Variants in RELN observed in about 807,000 individuals in gnomAD.
RELN encodes the protein reelin.
In RELN, 108 loss-of-function variants were observed where a neutral mutation model predicts 427.6. That is an observed-to-expected ratio of 0.25 (90% CI 0.22 to 0.30). The LOEUF (loss-of-function observed/expected upper bound fraction) is 0.30, where lower values mean the gene tolerates loss of function less well. RELN is among the 10% of genes least tolerant of loss of function. The pLI, the probability that RELN is intolerant of heterozygous loss-of-function variation, is 1.00. For missense variants in RELN, 3,715 were observed against 4,302.8 expected (o/e 0.86, Z 3.82); for synonymous variants, 1,524 against 1,513.4 (o/e 1.01, Z -0.16).
intron 44 of RELN, 96 bp from the exon 45 acceptor site, chr7:103,539,423 T>G: frequency 7.7e-7 from 1 of 1,297,054 alleles, no homozygotes. Context: ...TGTTTTGATC[T>G]GTTGGCCTGC....
intron 8 of RELN, among the ~76,000 whole-genome samples, chr7:103,702,117 C>T (rs942596016): frequency 2.0e-5 from 3 of 152,210 alleles, no homozygotes; most frequent in African/African-American, 7.2e-5. Flanking sequence ...CAAAGGAAAG[C>T]TACTGAGCAA....
At chr7:103,889,338 T>C (rs1216011684) in intron 2 of RELN, among the ~76,000 whole-genome samples, 3 of 152,170 alleles carry the variant, frequency 2.0e-5, no homozygotes, top group Non-Finnish European at 2.9e-5. Flanking sequence ...ATTCTACCCA[T>C]TAAGAGCACT....
Position 103,840,859 on chromosome 7 carries a change from T to C in RELN, c.338-7187A>G, listed in dbSNP as rs1793535312. ...TAGGATCCATATTGAATTTTTAATA[T>C]TATTTGGAAAAGGGAAAACAGGATC... On this transcript the variant is annotated intron_variant, in intron 2 of 64. Transcript: ENST00000428762. Among the ~76,000 whole-genome samples, 3 of 152,218 alleles carry C rather than the reference T, an allele frequency of 2.0e-5. No homozygotes were observed. The South Asian group carries it at 6.2e-4, about 32-fold the overall frequency.
rs1794780568 is a variant in RELN, at chr7:103,888,786, A to T, written c.337+28289T>A. ...ACTTGGCAAGCACAACATGAGCCAG[A>T]TTTCAGCCCCACTTGTCAGGAGGCT... On this transcript the variant is annotated intron_variant, in intron 2 of 64. Transcript: ENST00000428762. Among the ~76,000 whole-genome samples, 4 of 152,306 alleles carry T rather than the reference A, an allele frequency of 2.6e-5. No homozygotes were observed. The South Asian group carries it at 8.3e-4, about 32-fold the overall frequency.
At position 103,989,143 on chromosome 7, in the gene RELN, G is replaced by C. The variant is rs775097828; in HGVS notation, c.214C>G (p.Gln72Glu). Residue 72 changes from glutamine to glutamate, a missense_variant, in exon 1 of 65, where the codon CAA becomes GAA. By Grantham distance (29) the Gln-to-Glu change is conservative. Around this residue, in one of 4 missense-constraint regions of RELN, gnomAD observed 2,208 missense variants for 2,361.7 expected, o/e 0.93. Coordinates refer to ENST00000428762, the MANE Select transcript of RELN (RefSeq NM_005045.4). The surrounding 1 kb of genome is among the most constrained non-coding windows in gnomAD (Gnocchi z 4.9). ...CTGCGGTACCTACCATGGTATTCTTGTCCCGGAACGTAGTAGGTGGGGTTG... is the reference window on the plus strand; with the variant it reads ...CTGCGGTACCTACCATGGTATTCTTCTCCCGGAACGTAGTAGGTGGGGTTG... ...AGNPTYYVPG[Q>E]EYHVTISTST... 1.9e-6 allele frequency: 3 copies of C among 1,613,778 alleles called. No individual in the cohort carries two copies. Among genetic ancestry groups the C allele is most frequent in the African/African-American group, 2.7e-5 (2 of 74,908 alleles).
chr7:103,665,909 A>C (rs769803954), intron 11 of RELN, among the ~76,000 whole-genome samples: 1 of 151,374 alleles, frequency 6.6e-6, no homozygotes, highest in African/African-American at 2.4e-5. Flanking sequence ...ATTTCTTTTT[A>C]TATTGCATTA....
At chr7:103,947,036 AT>A (rs1298536370) in intron 1 of RELN, among the ~76,000 whole-genome samples, 2 of 152,200 alleles carry the variant, frequency 1.3e-5, no homozygotes, top group Non-Finnish European at 2.9e-5. Context: ...ATAGGATAAT[AT>A]CCCCCCAAAT....
At chr7:103,555,034 A>T (rs979885011) in intron 38 of RELN, among the ~76,000 whole-genome samples, 2 of 152,216 alleles carry the variant, frequency 1.3e-5, no homozygotes, top group East Asian at 3.8e-4. Flanking sequence ...AATGTTTTTC[A>T]TATCTTCTAT....
At position 103,596,698 on chromosome 7, in the gene RELN, G is replaced by T. The variant is rs771483331; in HGVS notation, c.3334-37C>A. On this transcript the variant is annotated intron_variant, in intron 24 of 64. Coordinates refer to ENST00000428762, the MANE Select transcript of RELN (RefSeq NM_005045.4). ...GAAGAAAAATCAAATTCAGTAATCT[G>T]GGAGTTCTTTGGCATTTTGTTGTTT... 54 of 1,580,888 alleles carry T rather than the reference G, an allele frequency of 3.4e-5. 2 individuals are homozygous for T. In the Middle Eastern group the frequency reaches 5.0e-4, roughly 15 times the overall value.
intron 8 of RELN, among the ~76,000 whole-genome samples, chr7:103,718,436 A>G (rs1287225676): frequency 6.6e-6 from 1 of 152,152 alleles, no homozygotes; most frequent in Non-Finnish European, 1.5e-5. Context: ...TCTATAAATC[A>G]TGAACAAATA....
At chr7:103,907,768 T>A (rs1207170156) in intron 2 of RELN, among the ~76,000 whole-genome samples, 1 of 86,982 alleles carries the variant, frequency 1.1e-5, no homozygotes, top group Non-Finnish European at 2.6e-5. Flanking sequence ...AAGCCTGTTT[T>A]TTTTTCTTTT....
chr7:103,850,465 G>A (rs1255539089), intron 2 of RELN, among the ~76,000 whole-genome samples: 1 of 152,196 alleles, frequency 6.6e-6, no homozygotes, highest in Non-Finnish European at 1.5e-5. Flanking sequence ...GGGTTGCCAG[G>A]CGGCCCATTC....
chr7:103,736,528 A>T (rs1266443238), intron 6 of RELN, among the ~76,000 whole-genome samples: 1 of 152,192 alleles, frequency 6.6e-6, no homozygotes. Flanking sequence ...CTTTTCACTG[A>T]GGAAGGTAAG....
At chr7:103,702,012 G>T (rs1681377054) in intron 8 of RELN, among the ~76,000 whole-genome samples, 1 of 152,136 alleles carries the variant, frequency 6.6e-6, no homozygotes, top group Non-Finnish European at 1.5e-5. Context: ...GTAATTGCCA[G>T]AACTGGCAAT....
At chr7:103,706,955 C>A (rs1036513575) in intron 8 of RELN, among the ~76,000 whole-genome samples, 1 of 152,140 alleles carries the variant, frequency 6.6e-6, no homozygotes, top group African/African-American at 2.4e-5. Flanking sequence ...TAGCCTGTCA[C>A]CCAAACCTGT....
At chr7:103,736,302 G>A (rs968302615) in intron 6 of RELN, among the ~76,000 whole-genome samples, 1 of 152,090 alleles carries the variant, frequency 6.6e-6, no homozygotes, top group African/African-American at 2.4e-5. Flanking sequence ...CAATTTACAT[G>A]ATCATTTTCA....
At chr7:103,780,235 C>A (rs953992410) in intron 3 of RELN, among the ~76,000 whole-genome samples, 1 of 152,174 alleles carries the variant, frequency 6.6e-6, no homozygotes, top group Admixed American at 6.5e-5. Context: ...GTTCTGTGAG[C>A]CCCTCGACTT....
chr7:103,552,021 G>A (rs1044889880), intron 40 of RELN, among the ~76,000 whole-genome samples: 4 of 151,542 alleles, frequency 2.6e-5, no homozygotes, highest in African/African-American at 9.7e-5. Flanking sequence ...ATTAACTATG[G>A]TCTTCATGCT....
chr7:103,734,652 A>G (rs937337917), intron 6 of RELN, among the ~76,000 whole-genome samples: 6 of 152,246 alleles, frequency 3.9e-5, no homozygotes, highest in African/African-American at 1.2e-4. Flanking sequence ...GGGACTTGAA[A>G]TATCACTGCA....
Sources: allele counts gnomAD v4.1 joint callset (sites outside exome capture counted in the v4.1 genomes callset), GRCh38; gene constraint gnomAD v4.1.1; regional missense constraint gnomAD v4.1.1; non-coding constraint Gnocchi (gnomAD v3.1); transcripts MANE v1.5; gene names NCBI Gene and HGNC (gene_info 2026-07-23, HGNC 2026-07-21).